MYO5C: variants seen among roughly 807,000 people sequenced by gnomAD.
The protein encoded by MYO5C is myosin VC, also known as unconventional myosin-Vc.
Under a neutral mutation model 235.7 loss-of-function variants are expected in MYO5C, and 194 were observed. That is an observed-to-expected ratio of 0.82 (90% CI 0.73 to 0.93). MYO5C has a LOEUF of 0.93. MYO5C is among the 40% of genes least tolerant of loss of function. The pLI is 0.00. For synonymous variants in MYO5C, 707 were observed against 754.8 expected, an observed-to-expected ratio of 0.94 and a Z score of 1.04; for missense variants, 2,038 against 2,127.2, an observed-to-expected ratio of 0.96 and a Z score of 0.82.
chr15:52,247,107 A>C (rs1316648787), intron 15 of MYO5C, 93 bp from the exon 16 acceptor site: 18 of 1,107,234 alleles, frequency 1.6e-5, no homozygotes, highest in Non-Finnish European at 2.4e-5. Context: ...AAGTTACTCA[A>C]TAGGAAGAAA....
Position 52,256,768 on chromosome 15 carries a change from A to G in MYO5C, c.1314-48T>C, listed in dbSNP as rs115708450. ...TAAAATATAACCTGAAGCAAGACAT[A>G]TGCATTTGTTTATAGATATTTTTTG... is the stretch of plus-strand genomic sequence containing the variant. On this transcript the variant is annotated intron_variant, in intron 10 of 40. Transcript: ENST00000261839. 1.9e-4 allele frequency: 268 copies of G among 1,401,436 alleles called. No homozygotes were observed. In the African/African-American group the frequency reaches 3.6e-3, roughly 19 times the overall value. The allele number at this position is 1,401,436 out of a possible 1,614,324, so 86.8% of individuals were successfully genotyped here. A position where few individuals can be genotyped will look rare whatever the true frequency, so the allele number is the denominator to read the frequency against.
In MYO5C at chr15:52,250,499, C is replaced by T. The variant is rs1596192252; in HGVS notation, c.1662+891G>A. On this transcript the variant is annotated intron_variant, in intron 13 of 40. Transcript: ENST00000261839. Reference sequence around the variant, plus strand: ...TCTCAAGCGATCCACCCGCCTCAGCCTCCCAAAGTGCTGGGATTACAGGTG... The same window carrying T: ...TCTCAAGCGATCCACCCGCCTCAGCTTCCCAAAGTGCTGGGATTACAGGTG... Among the ~76,000 whole-genome samples the T allele has an allele frequency of 4.6e-5, 7 of 152,280 alleles. 2 individuals carry two copies. The highest frequency in any genetic ancestry group is 4.6e-4 in the Admixed American group (7 of 15,300).
chr15:52,264,147 TG>T, intron 9 of MYO5C, 42 bp downstream of exon 9: 1 of 1,470,486 alleles, frequency 6.8e-7, no homozygotes, highest in Non-Finnish European at 9.4e-7. Context: ...AGTTCCACTA[TG>T]ACCCTTAGAC....
chr15:52,219,903 T>A, intron 30 of MYO5C, 81 bp from the exon 31 acceptor site: 1 of 1,088,124 alleles, frequency 9.2e-7, no homozygotes, highest in Non-Finnish European at 1.4e-6. Context: ...ATTTTCAATT[T>A]TTAGAGGTCC....
chr15:52,212,826 G>C (rs569085544), intron 34 of MYO5C, among the ~76,000 whole-genome samples: 1 of 152,180 alleles, frequency 6.6e-6, no homozygotes, highest in African/African-American at 2.4e-5. Context: ...AAAATGAGGT[G>C]ATGTTTCTCT....
chr15:52,232,732 C>A, intron 23 of MYO5C, 47 bp from the exon 24 acceptor site: 8 of 1,478,070 alleles, frequency 5.4e-6, no homozygotes, highest in Non-Finnish European at 6.6e-6. Context: ...AAATCAATGC[C>A]TTGATTGTTT....
intron 14 of MYO5C, among the ~76,000 whole-genome samples, chr15:52,248,410 T>A (rs2036398438): frequency 6.6e-6 from 1 of 152,338 alleles, no homozygotes; most frequent in East Asian, 1.9e-4. Context: ...CCTCCCAAAA[T>A]GCGGGGATTA....
At chr15:52,218,795 C>A in intron 31 of MYO5C, 108 bp from the exon 32 acceptor site, 1 of 1,156,514 alleles carries the variant, frequency 8.6e-7, no homozygotes, top group Non-Finnish European at 1.2e-6. Context: ...ACACCTTGGC[C>A]AATTTCTGTG....
At chr15:52,233,893 C>T (rs7180204) in intron 23 of MYO5C, among the ~76,000 whole-genome samples, 145,093 of 152,296 alleles carry the variant, frequency 0.95, 69,335 homozygotes, top group Non-Finnish European at 0.99. Context: ...CGGGGTGCAC[C>T]GTCGATAGCA....
chr15:52,293,873 AG>A (rs2037445690), intron 1 of MYO5C, among the ~76,000 whole-genome samples: 1 of 152,216 alleles, frequency 6.6e-6, no homozygotes, highest in Admixed American at 6.5e-5. Flanking sequence ...TGGGGAATAA[AG>A]CCCTGACCTC....
intron 21 of MYO5C, among the ~76,000 whole-genome samples, chr15:52,237,926 G>A (rs4776023): frequency 2.3e-4 from 34 of 150,306 alleles, no homozygotes; most frequent in Non-Finnish European, 3.7e-4. Flanking sequence ...TGTGCCCCCC[G>A]CCAAAATTCA....
In MYO5C at chr15:52,222,397, A is replaced by C. The variant is rs191028409; in HGVS notation, c.3628-1142T>G. Among the ~76,000 whole-genome samples the C allele has an allele frequency of 3.3e-3, 497 of 152,272 alleles. 1 individual carries two copies. The highest frequency in any genetic ancestry group is 0.011 in the African/African-American group (477 of 41,558). ...CGAGATTTCCTAACACTCTCAGTTTAGGGAGAGGAGGGGGTAGTAAGGAAG... is the reference window on the plus strand; with the variant it reads ...CGAGATTTCCTAACACTCTCAGTTTCGGGAGAGGAGGGGGTAGTAAGGAAG... On this transcript the variant is annotated intron_variant, in intron 29 of 40. Coordinates refer to ENST00000261839, the MANE Select transcript of MYO5C (RefSeq NM_018728.4).
chr15:52,245,279 C>G lies in MYO5C; in HGVS notation c.2178+75G>C, dbSNP rs539898642. 76 of 1,017,084 alleles carry G rather than the reference C, an allele frequency of 7.5e-5. No homozygotes were observed. The East Asian group carries it at 1.8e-3, about 24-fold the overall frequency. The allele number at this position is 1,017,084 out of a possible 1,614,324, so 63.0% of individuals were successfully genotyped here. On this transcript the variant is annotated intron_variant, in intron 18 of 40. Coordinates refer to ENST00000261839, the MANE Select transcript of MYO5C (RefSeq NM_018728.4). ...TGATTACAGTCCTGAGCATTCAAGA[C>G]AAAGATGAAACAGCATGTTTGGGAG...
At chr15:52,251,575 G>T in intron 12 of MYO5C, 60 bp from the exon 13 acceptor site, 3 of 1,416,024 alleles carry the variant, frequency 2.1e-6, no homozygotes, top group Non-Finnish European at 2.8e-6. Flanking sequence ...TACAGGTGAG[G>T]AAAAGCACTA....
chr15:52,278,846 G>C, intron 4 of MYO5C, 27 bp downstream of exon 4: 1 of 1,612,178 alleles, frequency 6.2e-7, no homozygotes, highest in South Asian at 1.1e-5. Context: ...GCAGAGCAAG[G>C]GGAAGTCCAG....
chr15:52,291,731 G>GTTTTTTTTTTTGTTTTTT (rs2037392525), intron 1 of MYO5C, among the ~76,000 whole-genome samples: 1 of 52,562 alleles, frequency 1.9e-5, no homozygotes, highest in African/African-American at 8.3e-5. Context: ...CATATTTTAT[G>GTTTTTTTTTTTGTTTTTT]TTTTTTTTTT....
intron 36 of MYO5C, among the ~76,000 whole-genome samples, chr15:52,206,260 G>A (rs4776018): frequency 1.3e-5 from 2 of 152,180 alleles, no homozygotes; most frequent in Non-Finnish European, 2.9e-5. Context: ...ATAGGAAAAT[G>A]AAACAAAACT....
rs956149902 is a variant in MYO5C at position 52,261,095 on chromosome 15, C to T, written c.1080G>A (p.Glu360=). 21 of 1,614,098 alleles carry T rather than the reference C, an allele frequency of 1.3e-5. No homozygotes were observed. Among genetic ancestry groups the T allele is most frequent in the Non-Finnish European group, 1.8e-5 (21 of 1,180,048 alleles). The change falls in exon 10 of 41, where the codon GAG becomes GAA. Residue 360 remains glutamate, a synonymous_variant. Coordinates refer to ENST00000261839, the MANE Select transcript of MYO5C (RefSeq NM_018728.4). ...EDDSHLKVFC[E]LLGLESGRVA... The stretch of plus-strand genomic sequence containing the variant: ...CTCTGCCACTCTCCAGGCCCAGGAG[C>T]TCACAGAACACCTTCAGGTGACTGT...
At chr15:52,263,319 C>T (rs2036732390) in intron 9 of MYO5C, among the ~76,000 whole-genome samples, 1 of 152,080 alleles carries the variant, frequency 6.6e-6, no homozygotes. Flanking sequence ...AACACATACC[C>T]CTCCCCCAAG....
Sources: gnomAD v4.1 joint callset for allele counts (sites outside exome capture counted in the v4.1 genomes callset) on GRCh38, gnomAD v4.1.1 for gene constraint, MANE v1.5 for transcripts, NCBI Gene and HGNC (gene_info 2026-07-23, HGNC 2026-07-21) for gene names.